MN1: variants seen among roughly 807,000 people sequenced by gnomAD.
MN1 encodes the protein MN1 proto-oncogene, transcriptional regulator.
Under a neutral mutation model 86.9 loss-of-function variants are expected in MN1, and 19 were observed. The ratio of observed to expected loss-of-function variants is 0.22; its 90% CI spans 0.15 to 0.32. The LOEUF (loss-of-function observed/expected upper bound fraction) is 0.32. MN1 is among the 10% of genes least tolerant of loss of function. The probability of loss-of-function intolerance (pLI) is 1.00; values close to 1 mark genes in which losing one functional copy is unlikely to be tolerated. For synonymous variants in MN1, 928 were observed against 849.6 expected (o/e 1.09, Z -1.60); for missense variants, 1,841 against 1,862.0 (o/e 0.99, Z 0.21).
chr22:27,790,594 C>T (rs999412199), intron 1 of MN1, among the ~76,000 whole-genome samples: 5 of 151,872 alleles, frequency 3.3e-5, no homozygotes, highest in Admixed American at 6.6e-5. Context: ...GTGTCGTCTC[C>T]GCCACGTCGT....
chr22:27,775,332 TG>T (rs911323462), intron 1 of MN1, among the ~76,000 whole-genome samples: 4 of 151,992 alleles, frequency 2.6e-5, no homozygotes, highest in African/African-American at 4.8e-5. Flanking sequence ...CTCCAGAGGG[TG>T]GGAGTGGCCA....
intron 1 of MN1, among the ~76,000 whole-genome samples, chr22:27,769,756 G>A (rs1413692834): frequency 2.0e-5 from 3 of 150,928 alleles, no homozygotes; most frequent in Non-Finnish European, 4.4e-5. Flanking sequence ...GGGTTTCACC[G>A]CGTTACCCAG....
At chr22:27,785,056 C>CCACA (rs57257445) in intron 1 of MN1, among the ~76,000 whole-genome samples, 10,798 of 144,778 alleles carry the variant, frequency 0.075, 429 homozygotes, top group African/African-American at 0.11. Flanking sequence ...CTGGCATCCG[C>CCACA]CACACACACA....
chr22:27,766,612 T>G (rs1000862193), intron 1 of MN1, among the ~76,000 whole-genome samples: 2 of 152,164 alleles, frequency 1.3e-5, no homozygotes, highest in African/African-American at 4.8e-5. Flanking sequence ...GAAGCAGGAT[T>G]AAGACCCAGT....
At position 27,800,493 on chromosome 22, in the gene MN1, G is replaced by A; in HGVS notation, c.51C>T (p.Gly17=). 3 of 1,614,182 alleles carry A rather than the reference G, an allele frequency of 1.9e-6. No homozygotes were observed. Among genetic ancestry groups the A allele is most frequent in the South Asian group, 2.2e-5 (2 of 91,086 alleles). Reference sequence around the variant, plus strand: ...TCTCGTTAAAGTTCCTCTCGCCCTGGCCAGCGTTCCTGCTGTTGACCTGGG... The same window carrying A: ...TCTCGTTAAAGTTCCTCTCGCCCTGACCAGCGTTCCTGCTGTTGACCTGGG... ...FEPQVNSRNA[G]QGERNFNETG... Residue 17 remains glycine, a synonymous_variant, in exon 1 of 2, where the codon GGC becomes GGT. Transcript: ENST00000302326.
At chr22:27,762,071 G>C (rs528371028) in intron 1 of MN1, among the ~76,000 whole-genome samples, 1 of 152,280 alleles carries the variant, frequency 6.6e-6, no homozygotes, top group South Asian at 2.1e-4. Flanking sequence ...CCAGGCCTGG[G>C]CATCTCTGAT....
chr22:27,789,895 A>G (rs1407569675), intron 1 of MN1, among the ~76,000 whole-genome samples: 2 of 152,238 alleles, frequency 1.3e-5, no homozygotes, highest in Admixed American at 1.3e-4. Context: ...GAGAATGACA[A>G]TTTGGGATGC....
In MN1 at chr22:27,798,471, G is replaced by T; in HGVS notation, c.2073C>A (p.His691Gln). 1.9e-6 allele frequency: 3 copies of T among 1,564,104 alleles called. No individual in the cohort carries two copies. Among genetic ancestry groups the T allele is most frequent in the South Asian group, 1.2e-5 (1 of 85,972 alleles). The change falls in exon 1 of 2, where the codon CAC (histidine) becomes CAA (glutamine). Residue 691 changes from histidine (H) to glutamine (Q), a missense_variant. Coordinates refer to ENST00000302326, the MANE Select transcript of MN1 (RefSeq NM_002430.3). ...GGCCCGGTGAAGGCAGCGCGGGCAC[G>T]TGGCCCTCTCCGGGCATCCTCATCG... ...QEPMRMPGEG[H>Q]VPALPSPGLQ...
chr22:27,770,537 C>T (rs751366440), intron 1 of MN1, among the ~76,000 whole-genome samples: 4 of 152,180 alleles, frequency 2.6e-5, no homozygotes, highest in Non-Finnish European at 5.9e-5. Context: ...AGTCTCCCTG[C>T]AATGGAAGTA....
At chr22:27,756,379 C>A (rs1323719276) in intron 1 of MN1, among the ~76,000 whole-genome samples, 1 of 152,086 alleles carries the variant, frequency 6.6e-6, no homozygotes, top group Non-Finnish European at 1.5e-5. Flanking sequence ...GCGTCGTGAG[C>A]CGGGCGGAGG....
At chr22:27,772,880 C>A (rs1326130013) in intron 1 of MN1, among the ~76,000 whole-genome samples, 1 of 150,848 alleles carries the variant, frequency 6.6e-6, no homozygotes, top group Non-Finnish European at 1.5e-5. Context: ...TCATCATCAT[C>A]ATCATAATCA....
At position 27,750,795 on chromosome 22, in the gene MN1, T is replaced by C. The variant is rs1178179235; in HGVS notation, c.*120A>G. ...ACCAACCTAGAGAAAAAAAAAAAAC[T>C]CATCCACTCAGCAATAGTGGCCCTT... On this transcript the variant is annotated 3_prime_UTR_variant, in exon 2 of 2. Transcript: ENST00000302326. 1 of 780,890 alleles carries C rather than the reference T, an allele frequency of 1.3e-6. No homozygotes were observed. The highest frequency in any genetic ancestry group is 1.9e-6 in the Non-Finnish European group (1 of 534,242). The allele number at this position is 780,890 out of a possible 1,614,324, so 48.4% of individuals were successfully genotyped here. A position where few individuals can be genotyped will look rare whatever the true frequency, so the allele number is the denominator to read the frequency against.
At chr22:27,783,443 C>T (rs910841540) in intron 1 of MN1, among the ~76,000 whole-genome samples, 3 of 152,104 alleles carry the variant, frequency 2.0e-5, no homozygotes, top group Non-Finnish European at 4.4e-5. Flanking sequence ...TGTCATGGTG[C>T]TTTTTAAAAA....
chr22:27,787,899 G>A (rs549564505), intron 1 of MN1, among the ~76,000 whole-genome samples: 3 of 152,134 alleles, frequency 2.0e-5, no homozygotes, highest in Non-Finnish European at 2.9e-5. Flanking sequence ...ACTGCTAACA[G>A]ACCCACAATG....
rs780016276 is a variant in MN1 at position 27,799,746 on chromosome 22, A to G, written c.798T>C (p.Pro266=). 6.3e-6 allele frequency: 10 copies of G among 1,587,810 alleles called. No individual in the cohort carries two copies. Among genetic ancestry groups the G allele is most frequent in the Non-Finnish European group, 8.6e-6 (10 of 1,167,272 alleles). ...LPHYAAGRQV[P]GGAFPGASAM... is the part of the protein sequence containing the mutation. ...CCGAGGCGCCCGGGAAAGCGCCCCCAGGAACCTGGCGACCCGCTGCATAAT... is the reference window on the plus strand; with the variant it reads ...CCGAGGCGCCCGGGAAAGCGCCCCCGGGAACCTGGCGACCCGCTGCATAAT... Residue 266 remains proline, a synonymous_variant, in exon 1 of 2, where the codon CCT becomes CCC. Transcript: ENST00000302326.
Position 27,797,944 on chromosome 22 carries a change from C to T in MN1, c.2600G>A (p.Gly867Asp). 2 of 1,594,924 alleles carry T rather than the reference C, an allele frequency of 1.3e-6. No homozygotes were observed. The highest frequency in any genetic ancestry group is 1.7e-6 in the Non-Finnish European group (2 of 1,170,260). ...KRKLSQNETD[G>D]AAVAGNPGSD... ...GCCCGGGTTGCCGGCCACTGCCGCG[C>T]CGTCGGTCTCGTTCTGGCTCAGTTT... The change falls in exon 1 of 2, where the codon GGC (glycine) becomes GAC (aspartate). Residue 867 changes from glycine to aspartate, a missense_variant. Physicochemically the swap from Gly to Asp is moderately conservative, Grantham distance 94. Transcript: ENST00000302326.
At position 27,796,894 on chromosome 22, in the gene MN1, T is replaced by TCCAGGTCAATGGTGCTCATGG. The variant is rs1933305794; in HGVS notation, c.3629_3649dup (p.Ala1210_Leu1216dup). The stretch of plus-strand genomic sequence containing the variant: ...AGCGCTGTGCTCTGCCATCAGCGAG[T>TCCAGGTCAATGGTGCTCATGG]CCAGGTCAATGGTGCTCATGGCGCT... On this transcript the variant is annotated inframe_insertion, in exon 1 of 2. Transcript: ENST00000302326. 6.2e-7 allele frequency: 1 copy of TCCAGGTCAATGGTGCTCATGG among 1,613,040 alleles called. No individual in the cohort carries two copies. The highest frequency in any genetic ancestry group is 8.5e-7 in the Non-Finnish European group (1 of 1,180,014).
Position 27,798,811 on chromosome 22 carries a change from A to C in MN1, c.1733T>G (p.Leu578Arg). ...QRLRQPNLAQLGHPGDVGQGG... is the reference protein window; with the variant it reads ...QRLRQPNLAQRGHPGDVGQGG... ...CTGGCCCACGTCCCCGGGGTGGCCTAGCTGAGCCAGGTTGGGCTGGCGCAG... is the reference window on the plus strand; with the variant it reads ...CTGGCCCACGTCCCCGGGGTGGCCTCGCTGAGCCAGGTTGGGCTGGCGCAG... The change falls in exon 1 of 2, where the codon CTA (leucine) becomes CGA (arginine). Residue 578 changes from leucine (L) to arginine (R), a missense_variant. Transcript: ENST00000302326. 1 of 1,536,894 alleles carries C rather than the reference A, an allele frequency of 6.5e-7. No individual in the cohort carries two copies. Among genetic ancestry groups the C allele is most frequent in the Non-Finnish European group, 8.7e-7 (1 of 1,146,354 alleles).
rs1424231790 is a variant in MN1, at chr22:27,800,530, T to C, written c.14A>G (p.Asp5Gly). 6.2e-6 allele frequency: 10 copies of C among 1,613,970 alleles called. No homozygotes were observed. The highest frequency in any genetic ancestry group is 8.5e-6 in the Non-Finnish European group (10 of 1,180,016). Reference sequence around the variant, plus strand: ...GCTGTTGACCTGGGGCTCGAATTGGTCCAGCCCAAACATACTTGGCGGGGG... The same window carrying C: ...GCTGTTGACCTGGGGCTCGAATTGGCCCAGCCCAAACATACTTGGCGGGGG... Reference protein sequence around the residue: MFGLDQFEPQVNSRN... With the variant: MFGLGQFEPQVNSRN... The change falls in exon 1 of 2, where the codon GAC becomes GGC. Residue 5 changes from aspartate to glycine, a missense_variant. Transcript: ENST00000302326.
Sources: gnomAD v4.1 joint callset for allele counts (sites outside exome capture counted in the v4.1 genomes callset) on GRCh38, gnomAD v4.1.1 for gene constraint, MANE v1.5 for transcripts, NCBI Gene and HGNC (gene_info 2026-07-23, HGNC 2026-07-21) for gene names.